Variants in OTOA observed in about 807,000 individuals in gnomAD.
The protein encoded by OTOA is cancer/testis antigen 108.
In OTOA, 70 loss-of-function variants were observed where a neutral mutation model predicts 110.8. The observed-to-expected ratio is 0.63, with a 90% CI of 0.52 to 0.77. The LOEUF (loss-of-function observed/expected upper bound fraction) is 0.77, where lower values mean the gene tolerates loss of function less well. Ranked by LOEUF, OTOA falls within the 30% of genes least tolerant of loss-of-function variation. The pLI, the probability that OTOA is intolerant of heterozygous loss-of-function variation, is 0.00. For synonymous variants in OTOA, 373 were observed against 431.5 expected (o/e 0.86, Z 1.68); for missense variants, 917 against 1,075.8 (o/e 0.85, Z 2.06).
At chr16:21,675,071 T>G (rs1393347937) in intron 1 of OTOA, among the ~76,000 whole-genome samples, 6 of 60,736 alleles carry the variant, frequency 9.9e-5, no homozygotes, top group Admixed American at 1.7e-4. Flanking sequence ...CTGTCTTTCT[T>G]TCTTTCTTTC....
chr16:21,719,488 T>G lies in OTOA; in HGVS notation c.1790T>G (p.Leu597Arg). The change falls in exon 17 of 29, where the codon CTG (leucine) becomes CGG (arginine). Residue 597 changes from leucine (L) to arginine (R), a missense_variant. Physicochemically the swap from Leu to Arg is moderately radical, Grantham distance 102 (BLOSUM62 -2). Coordinates refer to ENST00000646100, the MANE Select transcript of OTOA (RefSeq NM_144672.4). ...HFQDFQNNFA[L>R]LSPYQVNCLA... ...CAGGATTTTCAGAACAACTTCGCCCTGCTTTCACCCTATCAGGTACCGTTA... is the reference window on the plus strand; with the variant it reads ...CAGGATTTTCAGAACAACTTCGCCCGGCTTTCACCCTATCAGGTACCGTTA... 1.4e-5 allele frequency: 22 copies of G among 1,614,040 alleles called. No individual in the cohort carries two copies. The highest frequency in any genetic ancestry group is 1.5e-5 in the Non-Finnish European group (18 of 1,179,926).
chr16:21,736,424 A>G lies in OTOA; in HGVS notation c.2431+34A>G, dbSNP rs753335917. 5.6e-6 allele frequency: 9 copies of G among 1,613,792 alleles called. 1 individual carries two copies. The South Asian group carries it at 9.9e-5, about 18-fold the overall frequency. ...TTTCAGGGTATCTGAGCCATTGCTG[A>G]CATAGTAATTAATGTTTTGGGCAGG... On this transcript the variant is annotated intron_variant, in intron 22 of 28. Transcript: ENST00000646100.
intron 21 of OTOA, among the ~76,000 whole-genome samples, chr16:21,732,737 G>T (rs1444373525): frequency 6.6e-6 from 1 of 151,136 alleles, no homozygotes; most frequent in African/African-American, 2.4e-5. Flanking sequence ...ATAAATAGTA[G>T]CTGAATTAAT....
chr16:21,689,496 A>G (rs929611142), intron 8 of OTOA, among the ~76,000 whole-genome samples: 5 of 152,168 alleles, frequency 3.3e-5, no homozygotes, highest in African/African-American at 1.2e-4. Flanking sequence ...AGTAAGCCCA[A>G]GTGGCAGAAA....
At chr16:21,758,640 G>A (rs1900069382) in intron 28 of OTOA, among the ~76,000 whole-genome samples, 1 of 149,648 alleles carries the variant, frequency 6.7e-6, no homozygotes, top group Non-Finnish European at 1.5e-5. Context: ...ACAGCCACAA[G>A]TGGCCAGAGG....
chr16:21,707,631 T>TTCTTTC (rs1555499036), intron 12 of OTOA, among the ~76,000 whole-genome samples: 6 of 117,586 alleles, frequency 5.1e-5, no homozygotes, highest in Non-Finnish European at 1.0e-4. Context: ...CTTTCTTTCT[T>TTCTTTC]TCTTTCTTTC....
chr16:21,698,324 G>C (rs1897985394), intron 10 of OTOA, among the ~76,000 whole-genome samples: 1 of 152,156 alleles, frequency 6.6e-6, no homozygotes, highest in Admixed American at 6.5e-5. Flanking sequence ...TTGAGCATGA[G>C]CAATGGTTAG....
At chr16:21,705,537 C>A in intron 12 of OTOA, 1 of 563,558 alleles carries the variant, frequency 1.8e-6, no homozygotes. Context: ...CAGCCAGGCG[C>A]GGTGGCTCAT....
At chr16:21,708,915 A>G (rs1323287195) in intron 12 of OTOA, among the ~76,000 whole-genome samples, 1 of 152,212 alleles carries the variant, frequency 6.6e-6, no homozygotes, top group Non-Finnish European at 1.5e-5. Context: ...TTGCAATAAA[A>G]TAATTATTAA....
chr16:21,746,901 T>C (rs2141750221), intron 24 of OTOA, among the ~76,000 whole-genome samples: 1 of 152,400 alleles, frequency 6.6e-6, no homozygotes, highest in African/African-American at 2.4e-5. Flanking sequence ...ACGGTGGCCA[T>C]GTTTCATAAC....
intron 12 of OTOA, among the ~76,000 whole-genome samples, chr16:21,709,409 T>G (rs1033040514): frequency 2.0e-5 from 3 of 151,674 alleles, no homozygotes; most frequent in Non-Finnish European, 4.4e-5. Flanking sequence ...TACTCCAGCC[T>G]GGGTGACAAG....
chr16:21,680,768 G>A (rs555384304), intron 5 of OTOA, among the ~76,000 whole-genome samples: 40 of 149,850 alleles, frequency 2.7e-4, no homozygotes, highest in Non-Finnish European at 4.4e-4. Flanking sequence ...CAGGAGAATC[G>A]CTTGAACCTG....
At chr16:21,691,737 C>T (rs775043088) in intron 9 of OTOA, 50 bp downstream of exon 9, 1 of 1,463,422 alleles carries the variant, frequency 6.8e-7, no homozygotes. Context: ...AGAATATCTT[C>T]AGAAGAGGTG....
Position 21,701,030 on chromosome 16 carries a change from A to G in OTOA, c.980+3A>G. 1 of 1,614,158 alleles carries G rather than the reference A, an allele frequency of 6.2e-7. No homozygotes were observed. The highest frequency in any genetic ancestry group is 1.1e-5 in the South Asian group (1 of 91,086). ...AGGAATACCTCCACCATCCACAGGC[A>G]AGCGCATGAGCTCTGGGCCTTGGAG... On this transcript the variant is annotated splice_donor_region_variant and intron_variant, in intron 11 of 28. Coordinates refer to ENST00000646100, the MANE Select transcript of OTOA (RefSeq NM_144672.4).
In OTOA at chr16:21,706,130, A is replaced by G. The variant is rs183735537; in HGVS notation, c.1104+838A>G. Reference sequence around the variant, plus strand: ...AGAAAAGAAAGGGACAGCTACTTCGAACTTAAATATGCATACAGATCACCT... The same window carrying G: ...AGAAAAGAAAGGGACAGCTACTTCGGACTTAAATATGCATACAGATCACCT... On this transcript the variant is annotated intron_variant, in intron 12 of 28. Coordinates refer to ENST00000646100, the MANE Select transcript of OTOA (RefSeq NM_144672.4). Among the ~76,000 whole-genome samples, 27 of 152,322 alleles carry G rather than the reference A, an allele frequency of 1.8e-4. No individual in the cohort carries two copies. In the East Asian group the frequency reaches 4.8e-3, roughly 27 times the overall value.
intron 1 of OTOA, among the ~76,000 whole-genome samples, chr16:21,674,011 A>C (rs1267023641): frequency 6.6e-6 from 1 of 151,924 alleles, no homozygotes; most frequent in Non-Finnish European, 1.5e-5. Flanking sequence ...GTTAGCCAGG[A>C]TGGTCTTGAT....
chr16:21,695,891 A>ATTTTTTTTTTTT (rs386384450), intron 9 of OTOA, among the ~76,000 whole-genome samples: 10 of 41,896 alleles, frequency 2.4e-4, no homozygotes, highest in African/African-American at 2.9e-4. Context: ...ATATATATAT[A>ATTTTTTTTTTTT]TTTTTTTTTT....
chr16:21,686,883 A>T (rs1350817757), intron 7 of OTOA, among the ~76,000 whole-genome samples: 1 of 152,128 alleles, frequency 6.6e-6, no homozygotes, highest in Non-Finnish European at 1.5e-5. Context: ...ACAGAGCGAG[A>T]CCCTGTCTCA....
At chr16:21,713,137 T>C (rs2141693308) in intron 13 of OTOA, among the ~76,000 whole-genome samples, 1 of 152,212 alleles carries the variant, frequency 6.6e-6, no homozygotes, top group Non-Finnish European at 1.5e-5. Context: ...CTGATTTTTG[T>C]ATTTTTTTGT....
Sources: allele counts gnomAD v4.1 joint callset (sites outside exome capture counted in the v4.1 genomes callset), GRCh38; gene constraint gnomAD v4.1.1; transcripts MANE v1.5; gene names NCBI Gene and HGNC (gene_info 2026-07-23, HGNC 2026-07-21).